FGD6: variants seen among roughly 807,000 people sequenced by gnomAD.
FGD6 encodes the protein FYVE, RhoGEF and PH domain-containing protein 6.
In FGD6, 90 loss-of-function variants were observed where a neutral mutation model predicts 149.4. That is an observed-to-expected ratio of 0.60 (90% CI 0.51 to 0.72). The LOEUF (loss-of-function observed/expected upper bound fraction) is 0.72, where lower values mean the gene tolerates loss of function less well. Among genes scored for constraint, FGD6 ranks in the 30% least tolerant of loss-of-function variants. The pLI, the probability that FGD6 is intolerant of heterozygous loss-of-function variation, is 0.00. For synonymous variants in FGD6, 527 were observed against 584.0 expected (o/e 0.90, Z 1.41); for missense variants, 1,437 against 1,684.8 (o/e 0.85, Z 2.57).
chr12:95,203,406 C>T (rs1195797224), intron 2 of FGD6, among the ~76,000 whole-genome samples: 1 of 152,124 alleles, frequency 6.6e-6, no homozygotes, highest in Non-Finnish European at 1.5e-5. Context: ...GCTCCTTCTC[C>T]AACAGTACCA....
At chr12:95,163,539 T>C (rs1880708078) in intron 3 of FGD6, among the ~76,000 whole-genome samples, 1 of 152,240 alleles carries the variant, frequency 6.6e-6, no homozygotes, top group African/African-American at 2.4e-5. Flanking sequence ...AGCACGCTGC[T>C]TGGTCCACTG....
chr12:95,185,353 G>A (rs1949187479), intron 2 of FGD6, among the ~76,000 whole-genome samples: 2 of 152,108 alleles, frequency 1.3e-5, no homozygotes, highest in South Asian at 2.1e-4. Flanking sequence ...GAAAATAAAC[G>A]TGTATTCAAG....
At chr12:95,196,356 C>T (rs900791312) in intron 2 of FGD6, among the ~76,000 whole-genome samples, 1 of 151,904 alleles carries the variant, frequency 6.6e-6, no homozygotes, top group Non-Finnish European at 1.5e-5. Flanking sequence ...AGTGATTCTC[C>T]TACCATGGCC....
chr12:95,123,713 C>T (rs1347451365), intron 8 of FGD6, among the ~76,000 whole-genome samples: 5 of 151,902 alleles, frequency 3.3e-5, no homozygotes, highest in Non-Finnish European at 7.4e-5. Flanking sequence ...AGGCGCCCAC[C>T]ACCACACCCA....
At chr12:95,197,178 C>G (rs1296070631) in intron 2 of FGD6, among the ~76,000 whole-genome samples, 1 of 152,088 alleles carries the variant, frequency 6.6e-6, no homozygotes, top group Non-Finnish European at 1.5e-5. Flanking sequence ...GTGGCTCATG[C>G]CTGTAATCCC....
chr12:95,101,204 G>A (rs953934030), intron 14 of FGD6, among the ~76,000 whole-genome samples: 4 of 151,828 alleles, frequency 2.6e-5, no homozygotes, highest in Admixed American at 6.6e-5. Flanking sequence ...AAAATTAGCC[G>A]GGCATGGCGG....
At chr12:95,096,609 C>T (rs1399654632) in intron 14 of FGD6, among the ~76,000 whole-genome samples, 3 of 152,238 alleles carry the variant, frequency 2.0e-5, no homozygotes, top group African/African-American at 7.2e-5. Context: ...CACCATGTCT[C>T]ACCCTCAGAG....
At chr12:95,148,734 T>TTA (rs1474890543) in intron 5 of FGD6, among the ~76,000 whole-genome samples, 2 of 82,710 alleles carry the variant, frequency 2.4e-5, no homozygotes, top group South Asian at 4.1e-4. Flanking sequence ...ATTACATATA[T>TTA]TATATATTAT....
chr12:95,147,661 C>T (rs1403549339), intron 5 of FGD6, among the ~76,000 whole-genome samples: 1 of 152,090 alleles, frequency 6.6e-6, no homozygotes, highest in Non-Finnish European at 1.5e-5. Flanking sequence ...AGGGCTCAGA[C>T]AGACCAGACT....
At chr12:95,149,700 G>A (rs1294081715) in intron 5 of FGD6, among the ~76,000 whole-genome samples, 2 of 143,976 alleles carry the variant, frequency 1.4e-5, no homozygotes, top group South Asian at 2.1e-4. Flanking sequence ...AATTTGTTGA[G>A]TGTCAAGCTT....
At chr12:95,109,584 T>C (rs956710882) in intron 9 of FGD6, among the ~76,000 whole-genome samples, 1 of 151,734 alleles carries the variant, frequency 6.6e-6, no homozygotes, top group African/African-American at 2.4e-5. Flanking sequence ...AAAGAGTGGC[T>C]GGGCGCGGTG....
At chr12:95,106,476 G>C (rs1240446609) in intron 13 of FGD6, among the ~76,000 whole-genome samples, 1 of 151,154 alleles carries the variant, frequency 6.6e-6, no homozygotes, top group Non-Finnish European at 1.5e-5. Flanking sequence ...AGTAGAGATG[G>C]AGTTTCACTA....
At chr12:95,212,003 CGATA>C (rs1337864112) in intron 1 of FGD6, among the ~76,000 whole-genome samples, 1 of 151,968 alleles carries the variant, frequency 6.6e-6, no homozygotes, top group Non-Finnish European at 1.5e-5. Context: ...CTGTCTACCT[CGATA>C]GATAGAACCC....
intron 14 of FGD6, among the ~76,000 whole-genome samples, chr12:95,104,102 T>C (rs1451555394): frequency 1.3e-5 from 2 of 152,196 alleles, no homozygotes; most frequent in South Asian, 2.1e-4. Flanking sequence ...TGTTATTCTA[T>C]TCAGAAGAAC....
chr12:95,148,709 CATAGCATATGTTATATTACATATATT>C (rs1565908269), intron 5 of FGD6, among the ~76,000 whole-genome samples: 1 of 101,770 alleles, frequency 9.8e-6, no homozygotes, highest in Non-Finnish European at 1.8e-5. Context: ...TTATATAATA[CATAGCATATGTTATATTACATATATT>C]ATATATTATA....
chr12:95,216,456 A>C (rs2056784995), intron 1 of FGD6, among the ~76,000 whole-genome samples: 1 of 152,214 alleles, frequency 6.6e-6, no homozygotes, highest in African/African-American at 2.4e-5. Context: ...AGTGAACGTA[A>C]CACCACTTTG....
At chr12:95,194,984 G>GT (rs1412123449) in intron 2 of FGD6, among the ~76,000 whole-genome samples, 3 of 152,226 alleles carry the variant, frequency 2.0e-5, no homozygotes, top group South Asian at 4.2e-4. Context: ...TTTCTATGCT[G>GT]TTTTTTCACT....
intron 3 of FGD6, among the ~76,000 whole-genome samples, chr12:95,168,235 C>A (rs1347074862): frequency 6.6e-6 from 1 of 152,120 alleles, no homozygotes; most frequent in African/African-American, 2.4e-5. Context: ...CAAAATACTA[C>A]CTTACATGTA....
At position 95,080,741 on chromosome 12, in the gene FGD6, C is replaced by T. The variant is rs1224032038; in HGVS notation, c.*779G>A. The stretch of plus-strand genomic sequence containing the variant: ...TATTTTGCTATTTTAAAAAATGATA[C>T]ATTTATGTTTGTTTCGAAGTGGTAG... On this transcript the variant is annotated 3_prime_UTR_variant, in exon 21 of 21. Transcript: ENST00000343958. The T allele has an allele frequency of 1.3e-5, 2 of 152,034 alleles. No homozygotes were observed. The highest frequency in any genetic ancestry group is 4.8e-5 in the African/African-American group (2 of 41,376). The allele number at this position is 152,034 out of a possible 1,614,324, so 9.4% of individuals were successfully genotyped here. A position where few individuals can be genotyped will look rare whatever the true frequency, so the allele number is the denominator to read the frequency against.
Sources: gnomAD v4.1 joint callset for allele counts (sites outside exome capture counted in the v4.1 genomes callset) on GRCh38, gnomAD v4.1.1 for gene constraint, MANE v1.5 for transcripts, NCBI Gene and HGNC (gene_info 2026-07-23, HGNC 2026-07-21) for gene names.